The following SNX29 variants were observed in gnomAD, a reference collection of about 807,000 sequenced individuals.
The protein encoded by SNX29 is sorting nexin 29.
In SNX29, 78 loss-of-function variants were observed where a neutral mutation model predicts 102.1. The ratio of observed to expected loss-of-function variants is 0.76; its 90% CI spans 0.64 to 0.92. The LOEUF (loss-of-function observed/expected upper bound fraction) is 0.92, where lower values mean the gene tolerates loss of function less well. Ranked by LOEUF, SNX29 falls within the 40% of genes least tolerant of loss-of-function variation. The pLI is 0.00. For synonymous variants in SNX29, 580 were observed against 414.5 expected (o/e 1.40, Z -4.85); for missense variants, 1,280 against 1,061.7 (o/e 1.21, Z -2.86).
chr16:12,139,817 CA>C (rs1216412406), intron 13 of SNX29, among the ~76,000 whole-genome samples: 19 of 151,600 alleles, frequency 1.3e-4, no homozygotes, highest in Admixed American at 1.2e-3. Context: ...CCTGTCTACA[CA>C]AAAATTACAA....
At chr16:12,174,599 C>A (rs1596427296) in intron 13 of SNX29, among the ~76,000 whole-genome samples, 1 of 152,200 alleles carries the variant, frequency 6.6e-6, no homozygotes, top group Non-Finnish European at 1.5e-5. Context: ...CAATGACAGA[C>A]AAACCAACCT....
intron 14 of SNX29, among the ~76,000 whole-genome samples, chr16:12,276,683 G>A (rs1030230065): frequency 6.6e-6 from 1 of 152,172 alleles, no homozygotes; most frequent in Non-Finnish European, 1.5e-5. Flanking sequence ...TAAACATGCT[G>A]TGGATGTTTT....
At chr16:12,535,138 A>C (rs1039078884) in intron 20 of SNX29, among the ~76,000 whole-genome samples, 1 of 152,164 alleles carries the variant, frequency 6.6e-6, no homozygotes, top group Non-Finnish European at 1.5e-5. Context: ...GTATTAGGCC[A>C]GGAGCTTTTC....
At chr16:12,272,263 G>A (rs2079113163) in intron 14 of SNX29, among the ~76,000 whole-genome samples, 1 of 152,364 alleles carries the variant, frequency 6.6e-6, no homozygotes, top group South Asian at 2.1e-4. Flanking sequence ...CTTGGGGACA[G>A]GAGGCCAGTG....
chr16:12,538,186 G>C (rs2077163957), intron 20 of SNX29, among the ~76,000 whole-genome samples: 1 of 152,058 alleles, frequency 6.6e-6, no homozygotes. Context: ...TGTGATCTAG[G>C]CTCACCGCAA....
chr16:12,283,406 A>C (rs1199684968), intron 15 of SNX29, among the ~76,000 whole-genome samples: 3 of 148,686 alleles, frequency 2.0e-5, no homozygotes, highest in Non-Finnish European at 4.4e-5. Flanking sequence ...TGCAAGCTCC[A>C]CCTCCTGGGT....
At chr16:12,431,978 C>G (rs2085336073) in intron 18 of SNX29, among the ~76,000 whole-genome samples, 1 of 152,190 alleles carries the variant, frequency 6.6e-6, no homozygotes, top group Non-Finnish European at 1.5e-5. Flanking sequence ...ACTCAGGAGG[C>G]CAGAGAGATA....
chr16:12,518,786 C>G (rs1427874676), intron 19 of SNX29, among the ~76,000 whole-genome samples: 1 of 152,206 alleles, frequency 6.6e-6, no homozygotes, highest in African/African-American at 2.4e-5. Context: ...GGGGTAGGAG[C>G]TACCCCATCG....
intron 4 of SNX29, 55 bp downstream of exon 4, chr16:12,027,499 T>C (rs544025242): frequency 1.3e-6 from 2 of 1,599,778 alleles, no homozygotes; most frequent in South Asian, 2.2e-5. Flanking sequence ...CTGCTCTTTT[T>C]CTTTTTATTT....
chr16:12,521,235 C>G (rs1315000099), intron 19 of SNX29, among the ~76,000 whole-genome samples: 2 of 152,114 alleles, frequency 1.3e-5, no homozygotes, highest in Non-Finnish European at 2.9e-5. Context: ...CAGAAATCAC[C>G]TGTACCCGCA....
intron 14 of SNX29, among the ~76,000 whole-genome samples, chr16:12,256,931 C>T (rs1338237645): frequency 6.6e-6 from 1 of 152,158 alleles, no homozygotes. Flanking sequence ...CACCGTCTTC[C>T]CCACTGTATT....
intron 15 of SNX29, among the ~76,000 whole-genome samples, chr16:12,340,945 C>CTCATA (rs2081592752): frequency 6.6e-6 from 1 of 152,168 alleles, no homozygotes; most frequent in African/African-American, 2.4e-5. Flanking sequence ...CTATTTACTT[C>CTCATA]ACCATGAGGT....
intron 11 of SNX29, among the ~76,000 whole-genome samples, chr16:12,091,177 C>T (rs1462379033): frequency 6.6e-6 from 1 of 152,076 alleles, no homozygotes; most frequent in African/African-American, 2.4e-5. Context: ...GAGTGCTAGA[C>T]TTGTTCTGTA....
At chr16:12,204,703 C>A (rs1429065352) in intron 14 of SNX29, among the ~76,000 whole-genome samples, 1 of 152,232 alleles carries the variant, frequency 6.6e-6, no homozygotes, top group Non-Finnish European at 1.5e-5. Flanking sequence ...AAAGTTTGTT[C>A]TCAGAAACAA....
chr16:12,086,449 T>C (rs2151379852), intron 11 of SNX29, among the ~76,000 whole-genome samples: 1 of 151,928 alleles, frequency 6.6e-6, no homozygotes, highest in South Asian at 2.1e-4. Flanking sequence ...GGGTCTCTGT[T>C]GCCCAGGCTG....
At chr16:12,487,001 A>G (rs2088275920) in intron 19 of SNX29, among the ~76,000 whole-genome samples, 1 of 152,202 alleles carries the variant, frequency 6.6e-6, no homozygotes, top group South Asian at 2.1e-4. Context: ...AAAAAGAAAA[A>G]GATCCTTAAG....
chr16:12,071,050 T>C (rs1212266853), intron 10 of SNX29, among the ~76,000 whole-genome samples: 4 of 151,928 alleles, frequency 2.6e-5, no homozygotes, highest in Non-Finnish European at 4.4e-5. Flanking sequence ...TTTGAGTTCA[T>C]TGTAGATTCT....
At chr16:12,552,841 G>A (rs1000366844) in intron 20 of SNX29, among the ~76,000 whole-genome samples, 5 of 152,248 alleles carry the variant, frequency 3.3e-5, no homozygotes, top group African/African-American at 1.2e-4. Context: ...ACCTGCCAGA[G>A]AGGAGAGGGT....
At chr16:12,524,178 G>C (rs139649858) in intron 19 of SNX29, among the ~76,000 whole-genome samples, 1 of 152,120 alleles carries the variant, frequency 6.6e-6, no homozygotes, top group African/African-American at 2.4e-5. Flanking sequence ...AAGAGAATAC[G>C]GAAATTGTTT....
Sources: allele counts gnomAD v4.1 joint callset (sites outside exome capture counted in the v4.1 genomes callset), GRCh38; gene constraint gnomAD v4.1.1; transcripts MANE v1.5; gene names NCBI Gene and HGNC (gene_info 2026-07-23, HGNC 2026-07-21).